Variants in KHDRBS2 observed in about 807,000 individuals in gnomAD.
KHDRBS2 encodes KH domain-containing, RNA-binding, signal transduction-associated protein 2.
In KHDRBS2, 26 loss-of-function variants were observed where a neutral mutation model predicts 44.3. That is an observed-to-expected ratio of 0.59 (90% CI 0.43 to 0.81). The LOEUF is 0.81. KHDRBS2 is among the 40% of genes least tolerant of loss of function. The pLI is 0.00. For missense variants in KHDRBS2, 476 were observed against 433.1 expected (o/e 1.10, Z -0.88); for synonymous variants, 194 against 151.1 (o/e 1.28, Z -2.08).
intron 1 of KHDRBS2, among the ~76,000 whole-genome samples, chr6:62,204,459 C>T (rs79111024): frequency 0.013 from 1,972 of 152,104 alleles, 13 homozygotes; most frequent in Non-Finnish European, 0.019. Context: ...GGGACTTTTT[C>T]GGTTTAGAAA....
At chr6:62,192,304 T>C (rs1441056808) in intron 1 of KHDRBS2, among the ~76,000 whole-genome samples, 5 of 152,096 alleles carry the variant, frequency 3.3e-5, no homozygotes, top group African/African-American at 9.7e-5. Flanking sequence ...GTAGAACATA[T>C]GTCCTATGTG....
rs76036287 is a variant in KHDRBS2, at chr6:62,156,386, T to G, written c.219+20799A>C. On this transcript the variant is annotated intron_variant, in intron 2 of 8. Coordinates refer to ENST00000281156, the MANE Select transcript of KHDRBS2 (RefSeq NM_152688.4). ...ACATTAAATCTTACAATAAAGCATT[T>G]ATTTGGCCAGTTCGGTAGACTTAGA... 2.7e-3 allele frequency among the ~76,000 whole-genome samples: 410 copies of G among 152,272 alleles called. 1 individual carries two copies. Among genetic ancestry groups the G allele is most frequent in the East Asian group, 0.015 (77 of 5,168 alleles).
chr6:62,121,915 C>T (rs969365060), intron 2 of KHDRBS2, among the ~76,000 whole-genome samples: 3 of 152,090 alleles, frequency 2.0e-5, no homozygotes, highest in Admixed American at 6.5e-5. Context: ...TCAAGATATG[C>T]CTTCTAAGGC....
intron 6 of KHDRBS2, among the ~76,000 whole-genome samples, chr6:61,777,136 TG>T (rs1782182768): frequency 7.3e-6 from 1 of 136,332 alleles, no homozygotes. Context: ...CAGAGACTGT[TG>T]GGGGGTGGGG....
chr6:61,544,824 A>T, the KHDRBS2 span, among the ~76,000 whole-genome samples: 1 of 152,208 alleles, frequency 6.6e-6, no homozygotes, highest in Non-Finnish European at 1.5e-5. Flanking sequence ...GCAAACTATC[A>T]CAAGGACAAA....
In KHDRBS2 at chr6:61,754,216, G is replaced by C. The variant is rs528897777; in HGVS notation, c.811-21452C>G. 2.0e-5 allele frequency among the ~76,000 whole-genome samples: 3 copies of C among 152,262 alleles called. No individual in the cohort carries two copies. In the East Asian group the frequency reaches 5.8e-4, roughly 29 times the overall value. ...ACAGCTGGAGTTCTCGGCAAGCTGAGACGTTAAAAGCTGTCTATGTTAAAA... is the reference window on the plus strand; with the variant it reads ...ACAGCTGGAGTTCTCGGCAAGCTGACACGTTAAAAGCTGTCTATGTTAAAA... On this transcript the variant is annotated intron_variant, in intron 6 of 8. Transcript: ENST00000281156.
downstream of KHDRBS2, among the ~76,000 whole-genome samples, chr6:61,675,432 AT>A (rs545534998): frequency 2.8e-4 from 43 of 151,814 alleles, no homozygotes; most frequent in African/African-American, 9.6e-4. Flanking sequence ...TTATCTAAAT[AT>A]TACACTAAAT....
At chr6:61,966,122 T>C (rs1446535226) in intron 4 of KHDRBS2, among the ~76,000 whole-genome samples, 1 of 116,228 alleles carries the variant, frequency 8.6e-6, no homozygotes, top group African/African-American at 2.6e-5. Flanking sequence ...ATAATTGACA[T>C]AGAATTTGTT....
chr6:61,607,700 T>G, the KHDRBS2 span, among the ~76,000 whole-genome samples: 2 of 152,042 alleles, frequency 1.3e-5, no homozygotes, highest in African/African-American at 2.4e-5. Flanking sequence ...TTTCTTTTCT[T>G]TTTTTGAGGC....
chr6:61,580,352 C>A, the KHDRBS2 span, among the ~76,000 whole-genome samples: 1 of 152,100 alleles, frequency 6.6e-6, no homozygotes, highest in Non-Finnish European at 1.5e-5. Context: ...ACAATCAGCA[C>A]TCTGTAAAAT....
At chr6:62,261,054 T>C (rs1335270715) in intron 1 of KHDRBS2, among the ~76,000 whole-genome samples, 2 of 151,886 alleles carry the variant, frequency 1.3e-5, no homozygotes, top group African/African-American at 4.8e-5. Context: ...AACAGACATA[T>C]TCACTTGTAT....
intron 1 of KHDRBS2, among the ~76,000 whole-genome samples, chr6:62,227,919 T>C (rs1457412345): frequency 2.0e-5 from 3 of 152,190 alleles, no homozygotes; most frequent in Non-Finnish European, 4.4e-5. Flanking sequence ...CTGGATTTGG[T>C]TTCCCAGTAT....
chr6:62,129,861 C>A (rs570440521), intron 2 of KHDRBS2, among the ~76,000 whole-genome samples: 2 of 151,806 alleles, frequency 1.3e-5, no homozygotes, highest in Non-Finnish European at 2.9e-5. Context: ...TAAGAAAATA[C>A]CATATAATAA....
intron 4 of KHDRBS2, among the ~76,000 whole-genome samples, chr6:61,928,778 T>A (rs1405921449): frequency 6.6e-6 from 1 of 152,100 alleles, no homozygotes; most frequent in African/African-American, 2.4e-5. Flanking sequence ...TTTCTACCTA[T>A]GTTTAAAGAA....
the KHDRBS2 span, among the ~76,000 whole-genome samples, chr6:61,631,305 CAAAAAAAAAAAAAAAAAAAAA>C: frequency 6.0e-5 from 4 of 66,974 alleles, no homozygotes; most frequent in African/African-American, 1.7e-4. Flanking sequence ...ACGAATAAGC[CAAAAAAAAAAAAAAAAAAAAA>C]AAAAAAAAAA....
intron 6 of KHDRBS2, among the ~76,000 whole-genome samples, chr6:61,784,054 C>A (rs1765742508): frequency 6.6e-6 from 1 of 151,784 alleles, no homozygotes; most frequent in African/African-American, 2.4e-5. Flanking sequence ...AAAAAATAAA[C>A]CCTAAAATTA....
chr6:62,133,247 G>A (rs949670665), intron 2 of KHDRBS2, among the ~76,000 whole-genome samples: 21 of 152,200 alleles, frequency 1.4e-4, no homozygotes, highest in South Asian at 8.3e-4. Context: ...TAATTCCCAC[G>A]TGATGTGGGA....
At chr6:61,815,359 A>G (rs1277669915) in intron 6 of KHDRBS2, among the ~76,000 whole-genome samples, 1 of 152,184 alleles carries the variant, frequency 6.6e-6, no homozygotes, top group Non-Finnish European at 1.5e-5. Flanking sequence ...TTCTCAGACC[A>G]TGGTTGACAG....
chr6:61,661,736 T>G, the KHDRBS2 span, among the ~76,000 whole-genome samples: 4 of 151,576 alleles, frequency 2.6e-5, no homozygotes, highest in Admixed American at 6.6e-5. Flanking sequence ...CACTGCTCAA[T>G]GAAATAAAAG....
Sources: allele counts gnomAD v4.1 joint callset (sites outside exome capture counted in the v4.1 genomes callset), GRCh38; gene constraint gnomAD v4.1.1; transcripts MANE v1.5; gene names NCBI Gene and HGNC (gene_info 2026-07-23, HGNC 2026-07-21).